RTKN2: variants seen among roughly 807,000 people sequenced by gnomAD.
RTKN2 encodes rhotekin 2, also known as rhotekin-2.
In RTKN2, 69 loss-of-function variants were observed where a neutral mutation model predicts 71.5. The observed-to-expected ratio is 0.96, with a 90% CI of 0.79 to 1.18. RTKN2 has a LOEUF of 1.18. Ranked by LOEUF, RTKN2 falls within the 50% of genes most tolerant of loss-of-function variation. RTKN2 has a pLI of 0.00. For synonymous variants in RTKN2, 236 were observed against 236.5 expected (o/e 1.00, Z 0.02); for missense variants, 724 against 719.7 (o/e 1.01, Z -0.07).
chr10:62,256,306 A>G (rs969059672), intron 2 of RTKN2, among the ~76,000 whole-genome samples: 3 of 152,214 alleles, frequency 2.0e-5, no homozygotes, highest in Admixed American at 2.0e-4. Flanking sequence ...TACAGGCGTG[A>G]GCCACCATTC....
intron 1 of RTKN2, among the ~76,000 whole-genome samples, chr10:62,264,956 G>A (rs1398065078): frequency 1.3e-5 from 2 of 151,870 alleles, no homozygotes; most frequent in Non-Finnish European, 2.9e-5. Flanking sequence ...TAAAGAACCA[G>A]CAGGTGGCTA....
In RTKN2 at chr10:62,197,357, C is replaced by T; in HGVS notation, c.*551G>A. On this transcript the variant is annotated 3_prime_UTR_variant, in exon 12 of 12. Coordinates refer to ENST00000373789, the MANE Select transcript of RTKN2 (RefSeq NM_145307.4). ...AGAATTTAATATTCTAAAATTTATC[C>T]CAGGAATTTAAAAGGTCAGGCCTAT... 1 of 984,850 alleles carries T rather than the reference C, an allele frequency of 1.0e-6. No individual in the cohort carries two copies. 61.0% of individuals were successfully genotyped at this position (984,850 alleles called of 1,614,324 possible).
At chr10:62,210,151 T>G (rs1206465626) in intron 9 of RTKN2, among the ~76,000 whole-genome samples, 1 of 152,160 alleles carries the variant, frequency 6.6e-6, no homozygotes, top group Non-Finnish European at 1.5e-5. Flanking sequence ...ATGTGGCCCT[T>G]ATTTGGATCC....
intron 6 of RTKN2, among the ~76,000 whole-genome samples, chr10:62,226,823 T>C (rs565399083): frequency 1.1e-4 from 16 of 152,300 alleles, no homozygotes; most frequent in Admixed American, 1.0e-3. Context: ...AGGCTGGGCA[T>C]GGTGGCTCAC....
intron 1 of RTKN2, among the ~76,000 whole-genome samples, chr10:62,265,620 T>C (rs1842855967): frequency 2.0e-5 from 3 of 151,756 alleles, no homozygotes; most frequent in African/African-American, 7.3e-5. Context: ...CAGTTTTGTA[T>C]TTCCCATGCA....
At chr10:62,252,317 G>GA (rs1415470566) in intron 2 of RTKN2, among the ~76,000 whole-genome samples, 12 of 152,066 alleles carry the variant, frequency 7.9e-5, no homozygotes, top group African/African-American at 2.7e-4. Flanking sequence ...CTCAAGGAAA[G>GA]AATGTGTTGG....
intron 7 of RTKN2, among the ~76,000 whole-genome samples, chr10:62,222,587 T>C (rs1362956286): frequency 2.0e-5 from 3 of 152,332 alleles, no homozygotes; most frequent in African/African-American, 7.2e-5. Flanking sequence ...TTTTTATTTA[T>C]TTTGCTTGGA....
At chr10:62,186,449 C>G (rs1019915078) in intron 8 of RTKN2, among the ~76,000 whole-genome samples, 6 of 150,772 alleles carry the variant, frequency 4.0e-5, no homozygotes, top group African/African-American at 1.5e-4. Flanking sequence ...CGGAGGAAGA[C>G]AGAACGCAGT....
At chr10:62,205,696 T>C (rs138608782) in intron 9 of RTKN2, among the ~76,000 whole-genome samples, 132 of 152,314 alleles carry the variant, frequency 8.7e-4, no homozygotes, top group African/African-American at 2.9e-3. Flanking sequence ...TTCACGCTGA[T>C]AGTCTAAACC....
At chr10:62,266,925 C>T (rs1842878317) in intron 1 of RTKN2, among the ~76,000 whole-genome samples, 3 of 152,206 alleles carry the variant, frequency 2.0e-5, no homozygotes, top group Admixed American at 2.0e-4. Flanking sequence ...AAAGCCAATA[C>T]TCTATGCTGT....
chr10:62,218,942 C>T (rs1444859893), intron 7 of RTKN2, among the ~76,000 whole-genome samples: 2 of 152,126 alleles, frequency 1.3e-5, no homozygotes, highest in Non-Finnish European at 2.9e-5. Context: ...ACTCAGACTG[C>T]ACCACTGCAC....
At chr10:62,232,497 T>G (rs892986329) in intron 6 of RTKN2, among the ~76,000 whole-genome samples, 1 of 151,864 alleles carries the variant, frequency 6.6e-6, no homozygotes, top group South Asian at 2.1e-4. Context: ...AGAAGGGGTT[T>G]CACCATGGTG....
At chr10:62,243,000 T>C (rs1842409628) in intron 3 of RTKN2, among the ~76,000 whole-genome samples, 1 of 152,146 alleles carries the variant, frequency 6.6e-6, no homozygotes, top group Non-Finnish European at 1.5e-5. Flanking sequence ...ATTATTATTA[T>C]ACTTTAAGTT....
At position 62,268,745 on chromosome 10, in the gene RTKN2, GA is replaced by G. The variant is rs1842917005; in HGVS notation, c.-136del. ...CCAGTCGCAGGGGCCGGGGGCGCAGGAGGAGCCGGGCCGAAGCGCACGCGCA... is the reference window on the plus strand; with the variant it reads ...CCAGTCGCAGGGGCCGGGGGCGCAGGGGAGCCGGGCCGAAGCGCACGCGCA... On this transcript the variant is annotated 5_prime_UTR_variant, in exon 1 of 12. Coordinates refer to ENST00000373789, the MANE Select transcript of RTKN2 (RefSeq NM_145307.4). 2.2e-6 allele frequency: 2 copies of G among 917,416 alleles called. No homozygotes were observed. Among genetic ancestry groups the G allele is most frequent in the Non-Finnish European group, 3.2e-6 (2 of 618,102 alleles). 56.8% of individuals were successfully genotyped at this position (917,416 alleles called of 1,614,324 possible). A position where few individuals can be genotyped will look rare whatever the true frequency, so the allele number is the denominator to read the frequency against.
chr10:62,242,997 T>A (rs1015566981), intron 3 of RTKN2, among the ~76,000 whole-genome samples: 1 of 152,254 alleles, frequency 6.6e-6, no homozygotes, highest in Admixed American at 6.5e-5. Context: ...TTTATTATTA[T>A]TATACTTTAA....
At chr10:62,233,904 G>A (rs1294226311) in intron 6 of RTKN2, among the ~76,000 whole-genome samples, 1 of 152,056 alleles carries the variant, frequency 6.6e-6, no homozygotes, top group African/African-American at 2.4e-5. Context: ...GAGCCAACTC[G>A]ACGAAACATG....
At chr10:62,258,991 C>T (rs971992236) in intron 2 of RTKN2, among the ~76,000 whole-genome samples, 1 of 152,086 alleles carries the variant, frequency 6.6e-6, no homozygotes, top group African/African-American at 2.4e-5. Context: ...TTGGCTGTCT[C>T]CCCACCCAAA....
intron 3 of RTKN2, among the ~76,000 whole-genome samples, chr10:62,245,095 T>A (rs559659679): frequency 1.1e-4 from 16 of 152,284 alleles, no homozygotes; most frequent in South Asian, 6.2e-4. Flanking sequence ...CTGACTAGTG[T>A]ACACACGAGT....
At chr10:62,259,945 G>A (rs1564530721) in intron 2 of RTKN2, among the ~76,000 whole-genome samples, 1 of 152,006 alleles carries the variant, frequency 6.6e-6, no homozygotes, top group East Asian at 1.9e-4. Context: ...AAACCCAATT[G>A]TTCTATTAGA....
Sources: gnomAD v4.1 joint callset for allele counts (sites outside exome capture counted in the v4.1 genomes callset) on GRCh38, gnomAD v4.1.1 for gene constraint, MANE v1.5 for transcripts, NCBI Gene and HGNC (gene_info 2026-07-23, HGNC 2026-07-21) for gene names.